The following PRSS57 variants were observed in gnomAD, a reference collection of about 807,000 sequenced individuals.
The protein encoded by PRSS57 is neutrophil serine protease 4.
Under a neutral mutation model 20.6 loss-of-function variants are expected in PRSS57, and 19 were observed. The observed-to-expected ratio is 0.92, with a 90% CI of 0.64 to 1.35. The LOEUF (loss-of-function observed/expected upper bound fraction) is 1.35, where lower values mean the gene tolerates loss of function less well. PRSS57 is among the 40% of genes most tolerant of loss of function. The probability of loss-of-function intolerance (pLI) is 0.00; values close to 1 mark genes in which losing one functional copy is unlikely to be tolerated. For synonymous variants in PRSS57, 203 were observed against 176.6 expected (o/e 1.15, Z -1.19); for missense variants, 440 against 403.7 (o/e 1.09, Z -0.77).
intron 4 of PRSS57, among the ~76,000 whole-genome samples, chr19:686,714 C>T (rs909227576): frequency 6.6e-6 from 1 of 152,098 alleles, no homozygotes; most frequent in Non-Finnish European, 1.5e-5. Context: ...TACACAAGTG[C>T]TTGGCTCTTT....
rs2031687869 is a variant in PRSS57, at chr19:692,913, TCTC to T, written c.234-914_234-912del. Among the ~76,000 whole-genome samples, 3 of 151,624 alleles carry T rather than the reference TCTC, an allele frequency of 2.0e-5. No individual in the cohort carries two copies. In the South Asian group the frequency reaches 6.2e-4, roughly 31 times the overall value. ...ATATTAACTACAGTAATTTCAATAT[TCTC>T]CTTTTTTTATTTCTTTAATTTTTTT... On this transcript the variant is annotated intron_variant, in intron 2 of 4. Transcript: ENST00000329267.
Position 694,944 on chromosome 19 carries a change from C to T in PRSS57, c.103G>A (p.Gly35Arg), listed in dbSNP as rs147107768. The T allele has an allele frequency of 3.6e-4, 570 of 1,568,024 alleles. 1 individual carries two copies. The highest frequency in any genetic ancestry group is 8.2e-4 in the South Asian group (70 of 85,500). ...PPGSWGAQII[G>R]GHEVTPHSRP... ...GAGTGGGGGGTCACCTCGTGGCCCC[C>T]GATGATCTGGGCCCCCCAGGAGCCT... The change falls in exon 2 of 5, where the codon GGG becomes AGG. Residue 35 changes from glycine (G) to arginine (R), a missense_variant. Physicochemically the swap from Gly to Arg is moderately radical, Grantham distance 125. Coordinates refer to ENST00000329267, the MANE Select transcript of PRSS57 (RefSeq NM_001308209.2).
chr19:695,335 C>T lies in PRSS57; in HGVS notation c.79+17G>A. On this transcript the variant is annotated intron_variant, in intron 1 of 4. Coordinates refer to ENST00000329267, the MANE Select transcript of PRSS57 (RefSeq NM_001308209.2). ...ACTTGGCGGGGGCCTGGGTGGGGAT[C>T]CCGGGGGGCTCCTCACCGGGGGGCT... 3 of 1,238,264 alleles carry T rather than the reference C, an allele frequency of 2.4e-6. No individual in the cohort carries two copies. The highest frequency in any genetic ancestry group is 3.1e-6 in the Non-Finnish European group (3 of 981,044). The allele number at this position is 1,238,264 out of a possible 1,614,324, so 76.7% of individuals were successfully genotyped here.
At chr19:691,783 C>A in intron 3 of PRSS57, 75 bp downstream of exon 3, 1 of 1,267,586 alleles carries the variant, frequency 7.9e-7, no homozygotes, top group East Asian at 3.0e-5. Flanking sequence ...TGCGCCATTG[C>A]CCTCCAGCCC....
rs751080222 is a variant in PRSS57 at position 694,981 on chromosome 19, G to C, written c.80-14C>G. The C allele has an allele frequency of 6.6e-7, 1 of 1,517,256 alleles. No individual in the cohort carries two copies. The highest frequency in any genetic ancestry group is 1.4e-5 in the African/African-American group (1 of 71,552). 94.0% of individuals were successfully genotyped at this position (1,517,256 alleles called of 1,614,324 possible). A position where few individuals can be genotyped will look rare whatever the true frequency, so the allele number is the denominator to read the frequency against. ...CCCCCCAGGAGCCTGCTGGAGGGAC[G>C]GCCTGAGTCAGGGACGAGGCGGGAG... On this transcript the variant is annotated splice_polypyrimidine_tract_variant and intron_variant, in intron 1 of 4. Transcript: ENST00000329267.
chr19:690,208 G>GC (rs1026528280), intron 3 of PRSS57: 2 of 152,456 alleles, frequency 1.3e-5, no homozygotes, highest in African/African-American at 2.4e-5. Context: ...CTACTCGGGG[G>GC]GCTGAGGCAG....
chr19:691,828 A>G (rs980587460), intron 3 of PRSS57, 30 bp downstream of exon 3: 4 of 1,323,574 alleles, frequency 3.0e-6, no homozygotes, highest in Non-Finnish European at 3.9e-6. Context: ...CAAAAACTAA[A>G]CATACGTCAG....
At chr19:695,247 G>A in intron 1 of PRSS57, 105 bp downstream of exon 1, 1 of 525,138 alleles carries the variant, frequency 1.9e-6, no homozygotes, top group Non-Finnish European at 3.0e-6. Flanking sequence ...AGATGGAGCA[G>A]GTGGAGCTCT....
At chr19:687,221 C>T (rs1477969794) in intron 3 of PRSS57, 33 bp from the exon 4 acceptor site, 21 of 1,459,388 alleles carry the variant, frequency 1.4e-5, no homozygotes, top group Non-Finnish European at 1.9e-5. Context: ...GGCCACTGGG[C>T]TCCCTCCCCA....
intron 3 of PRSS57, among the ~76,000 whole-genome samples, chr19:689,251 C>T (rs12974106): frequency 0.3 from 38,945 of 127,808 alleles, 6,256 homozygotes; most frequent in African/African-American, 0.38. Flanking sequence ...CAGGAGATGA[C>T]GGGGCCGGAA....
At chr19:695,010 C>A in intron 1 of PRSS57, 43 bp from the exon 2 acceptor site, 4 of 1,479,202 alleles carry the variant, frequency 2.7e-6, no homozygotes. Context: ...GCGGGAGGAA[C>A]GGATGACGGG....
At chr19:687,243 G>C in intron 3 of PRSS57, 55 bp from the exon 4 acceptor site, 1 of 1,438,896 alleles carries the variant, frequency 6.9e-7, no homozygotes, top group Admixed American at 2.9e-5. Flanking sequence ...CCCCGCTCCT[G>C]CCTCAGTTTA....
chr19:689,678 C>A (rs958391050), intron 3 of PRSS57, among the ~76,000 whole-genome samples: 2 of 152,080 alleles, frequency 1.3e-5, no homozygotes, highest in African/African-American at 2.4e-5. Context: ...CAGCACTTTG[C>A]GGGGCTGAGG....
Position 688,602 on chromosome 19 carries a change from C to CTTTTTTTTTTTT in PRSS57, c.379-1426_379-1415dup, listed in dbSNP as rs11451021. Among the ~76,000 whole-genome samples the CTTTTTTTTTTTT allele has an allele frequency of 2.2e-3, 247 of 110,164 alleles. 13 individuals carry two copies. The highest frequency in any genetic ancestry group is 4.5e-3 in the African/African-American group (117 of 26,144). The allele number at this position is 110,164 out of a possible 152,430, so 72.3% of individuals were successfully genotyped here. A position where few individuals can be genotyped will look rare whatever the true frequency, so the allele number is the denominator to read the frequency against. ...CCACCCGGAGGACTCCACCCAGGGA[C>CTTTTTTTTTTTT]TTTTTTTTTTTTTTCAGATGGAGTC... On this transcript the variant is annotated intron_variant, in intron 3 of 4. Coordinates refer to ENST00000329267, the MANE Select transcript of PRSS57 (RefSeq NM_001308209.2).
chr19:689,645 G>A (rs546037724), intron 3 of PRSS57, among the ~76,000 whole-genome samples: 2 of 152,186 alleles, frequency 1.3e-5, no homozygotes, highest in East Asian at 1.9e-4. Flanking sequence ...CAGGCCAGGC[G>A]CAGCAGCTCA....
intron 3 of PRSS57, chr19:690,566 C>G (rs374247079): frequency 3.9e-6 from 1 of 259,528 alleles, no homozygotes; most frequent in Non-Finnish European, 7.8e-6. Flanking sequence ...CTTCTCCCTG[C>G]CCATCAAGGA....
intron 1 of PRSS57, among the ~76,000 whole-genome samples, 190 bp from the exon 2 acceptor site, chr19:695,157 G>A (rs2144820617): frequency 6.6e-6 from 1 of 152,256 alleles, no homozygotes; most frequent in Admixed American, 6.5e-5. Flanking sequence ...CCCGAGCCCG[G>A]GAGATCCAGG....
intron 3 of PRSS57, among the ~76,000 whole-genome samples, chr19:688,146 C>T (rs1038927322): frequency 2.0e-5 from 3 of 152,208 alleles, no homozygotes; most frequent in African/African-American, 2.4e-5. Context: ...CTGGGAAGGA[C>T]GGCTCCAATC....
At chr19:694,692 G>GC in intron 2 of PRSS57, 122 bp downstream of exon 2, 1 of 1,139,170 alleles carries the variant, frequency 8.8e-7, no homozygotes. Context: ...TTTAAATCCA[G>GC]CCCCTGCTGA....
Sources: allele counts gnomAD v4.1 joint callset (sites outside exome capture counted in the v4.1 genomes callset), GRCh38; gene constraint gnomAD v4.1.1; transcripts MANE v1.5; gene names NCBI Gene and HGNC (gene_info 2026-07-23, HGNC 2026-07-21).